Variants in AFF3 observed in about 807,000 individuals in gnomAD.
The protein encoded by AFF3 is AF4/FMR2 family member 3.
Under a neutral mutation model 129.7 loss-of-function variants are expected in AFF3, and 32 were observed. The ratio of observed to expected loss-of-function variants is 0.25; its 90% CI spans 0.19 to 0.33. AFF3 has a LOEUF of 0.33. Among genes scored for constraint, AFF3 ranks in the 10% least tolerant of loss-of-function variants. AFF3 has a pLI of 1.00. For synonymous variants in AFF3, 644 were observed against 635.4 expected (o/e 1.01, Z -0.20); for missense variants, 1,373 against 1,592.0 (o/e 0.86, Z 2.34).
intron 4 of AFF3, among the ~76,000 whole-genome samples, chr2:100,023,694 T>C (rs1165751104): frequency 6.6e-6 from 1 of 152,128 alleles, no homozygotes; most frequent in African/African-American, 2.4e-5. Flanking sequence ...CTCTGTGCCT[T>C]ACCCCCTCAT....
intron 7 of AFF3, among the ~76,000 whole-genome samples, chr2:99,847,113 C>T (rs868282153): frequency 4.0e-5 from 6 of 151,682 alleles, no homozygotes; most frequent in African/African-American, 1.5e-4. Flanking sequence ...TTTCAATACT[C>T]CAAGTTTTAT....
chr2:100,044,402 G>A (rs1373642343), intron 4 of AFF3, among the ~76,000 whole-genome samples: 4 of 151,680 alleles, frequency 2.6e-5, no homozygotes, highest in African/African-American at 2.4e-5. Flanking sequence ...AACACTGAAC[G>A]TATTCAGAAT....
At chr2:99,665,985 G>C (rs1193740025) in intron 12 of AFF3, among the ~76,000 whole-genome samples, 2 of 152,182 alleles carry the variant, frequency 1.3e-5, no homozygotes, top group African/African-American at 4.8e-5. Flanking sequence ...TTCTGGTAAA[G>C]AGATGGGGTC....
intron 7 of AFF3, among the ~76,000 whole-genome samples, chr2:99,960,027 CAG>C (rs1476068880): frequency 5.9e-5 from 9 of 152,008 alleles, no homozygotes; most frequent in African/African-American, 2.2e-4. Context: ...GTAACTGGCA[CAG>C]AGTGTGTTGA....
intron 13 of AFF3, 143 bp from the exon 14 acceptor site, chr2:99,601,764 A>C: frequency 9.9e-7 from 1 of 1,008,006 alleles, no homozygotes; most frequent in Non-Finnish European, 1.4e-6. Flanking sequence ...TGGAACTCAA[A>C]GAGCAGGCAT....
intron 7 of AFF3, among the ~76,000 whole-genome samples, chr2:99,916,019 T>A (rs1244831856): frequency 6.6e-6 from 1 of 152,178 alleles, no homozygotes; most frequent in Non-Finnish European, 1.5e-5. Context: ...CTGCTACTTA[T>A]CAAAGGAACC....
intron 1 of AFF3, among the ~76,000 whole-genome samples, chr2:100,142,007 ATGATCTCTCCT>A (rs1465542073): frequency 6.6e-6 from 1 of 152,158 alleles, no homozygotes; most frequent in Non-Finnish European, 1.5e-5. Context: ...GGAACTGCCC[ATGATCTCTCCT>A]TGCAAGCTCA....
chr2:99,840,719 T>A (rs1387726155), intron 7 of AFF3, among the ~76,000 whole-genome samples: 1 of 152,150 alleles, frequency 6.6e-6, no homozygotes, highest in Non-Finnish European at 1.5e-5. Context: ...GACACTCTGA[T>A]ACAACTGGAT....
intron 13 of AFF3, among the ~76,000 whole-genome samples, chr2:99,623,829 G>A (rs1041687261): frequency 1.3e-5 from 2 of 152,244 alleles, no homozygotes; most frequent in African/African-American, 4.8e-5. Context: ...GGGTGGAACA[G>A]GCAAGGCCAG....
At chr2:99,730,536 G>A (rs1438892249) in intron 10 of AFF3, among the ~76,000 whole-genome samples, 2 of 143,266 alleles carry the variant, frequency 1.4e-5, no homozygotes, top group Non-Finnish European at 3.0e-5. Flanking sequence ...TTTTTTTTGA[G>A]ATGGGGTCTC....
chr2:99,894,261 T>C, intron 7 of AFF3, among the ~76,000 whole-genome samples: 1 of 151,428 alleles, frequency 6.6e-6, no homozygotes, highest in Non-Finnish European at 1.5e-5. Context: ...TGGCTACATG[T>C]GCATCTGCTT....
chr2:99,812,259 T>C (rs1576058828), intron 8 of AFF3, among the ~76,000 whole-genome samples: 1 of 152,202 alleles, frequency 6.6e-6, no homozygotes, highest in African/African-American at 2.4e-5. Context: ...GGTCAGCTTC[T>C]AGAAGCCACC....
At chr2:99,993,448 G>A (rs1261125814) in intron 7 of AFF3, among the ~76,000 whole-genome samples, 1 of 151,956 alleles carries the variant, frequency 6.6e-6, no homozygotes, top group Non-Finnish European at 1.5e-5. Context: ...AATAATTTAA[G>A]TAATCATTGG....
intron 13 of AFF3, among the ~76,000 whole-genome samples, chr2:99,622,560 C>T (rs775704615): frequency 1.8e-4 from 27 of 152,206 alleles, no homozygotes; most frequent in Non-Finnish European, 2.1e-4. Flanking sequence ...GCCAATAAGT[C>T]TGAGTTCTGC....
chr2:99,712,742 C>T (rs917589531), intron 11 of AFF3, among the ~76,000 whole-genome samples: 1 of 152,110 alleles, frequency 6.6e-6, no homozygotes, highest in Non-Finnish European at 1.5e-5. Context: ...TGGGTATATA[C>T]CCCCAAAAAT....
chr2:99,946,728 A>G (rs1199391958), intron 7 of AFF3, among the ~76,000 whole-genome samples: 1 of 152,206 alleles, frequency 6.6e-6, no homozygotes, highest in Non-Finnish European at 1.5e-5. Context: ...CTACACATAT[A>G]AAATGGTCTG....
At chr2:99,975,742 C>T (rs554709443) in intron 7 of AFF3, among the ~76,000 whole-genome samples, 94 of 143,776 alleles carry the variant, frequency 6.5e-4, no homozygotes, top group African/African-American at 1.5e-3. Context: ...CACTCATTAC[C>T]TTTTCCCTCC....
chr2:99,729,019 G>T (rs1331936625), intron 10 of AFF3, among the ~76,000 whole-genome samples: 1 of 152,074 alleles, frequency 6.6e-6, no homozygotes, highest in East Asian at 1.9e-4. Flanking sequence ...CATTATATAA[G>T]ACAAAACTAA....
Position 99,910,572 on chromosome 2 carries a change from G to C in AFF3, c.874-73048C>G, listed in dbSNP as rs151250096. On this transcript the variant is annotated intron_variant, in intron 7 of 24. Transcript: ENST00000672756. ...TTGCCTTCTGCATCACTGTGTAATA[G>C]TGCAAACAGGAATAACATGTCTTGG... Among the ~76,000 whole-genome samples the C allele has an allele frequency of 2.0e-5, 3 of 152,352 alleles. No homozygotes were observed. In the East Asian group the frequency reaches 5.8e-4, roughly 29 times the overall value.
Sources: allele counts gnomAD v4.1 joint callset (sites outside exome capture counted in the v4.1 genomes callset), GRCh38; gene constraint gnomAD v4.1.1; transcripts MANE v1.5; gene names NCBI Gene and HGNC (gene_info 2026-07-23, HGNC 2026-07-21).